Variants in SH3RF3 observed in about 807,000 individuals in gnomAD.
SH3RF3 encodes the protein E3 ubiquitin-protein ligase SH3RF3.
Under a neutral mutation model 66.3 loss-of-function variants are expected in SH3RF3, and 29 were observed. The observed-to-expected ratio is 0.44, with a 90% CI of 0.33 to 0.60. The LOEUF is 0.60. Among genes scored for constraint, SH3RF3 ranks in the 20% least tolerant of loss-of-function variants. The pLI, the probability that SH3RF3 is intolerant of heterozygous loss-of-function variation, is 0.04. For missense variants in SH3RF3, 1,194 were observed against 1,190.9 expected (o/e 1.00, Z -0.04); for synonymous variants, 583 against 532.0 (o/e 1.10, Z -1.32).
At chr2:109,227,781 C>G (rs981494690) in intron 1 of SH3RF3, among the ~76,000 whole-genome samples, 1 of 152,208 alleles carries the variant, frequency 6.6e-6, no homozygotes, top group Non-Finnish European at 1.5e-5. Context: ...TAGGTCACCC[C>G]CCAGCCAACT....
At chr2:109,143,908 G>A (rs1429565000) in intron 1 of SH3RF3, among the ~76,000 whole-genome samples, 2 of 152,170 alleles carry the variant, frequency 1.3e-5, no homozygotes, top group Non-Finnish European at 2.9e-5. Flanking sequence ...TGGCATGGAT[G>A]AGCCTAGAGG....
chr2:109,246,547 T>C (rs1265658604), intron 1 of SH3RF3, among the ~76,000 whole-genome samples: 3 of 152,218 alleles, frequency 2.0e-5, no homozygotes, highest in Non-Finnish European at 4.4e-5. Context: ...CCAAGGAATA[T>C]CATGCCTAAC....
At chr2:109,377,972 G>A (rs576508651) in intron 3 of SH3RF3, among the ~76,000 whole-genome samples, 27 of 152,352 alleles carry the variant, frequency 1.8e-4, no homozygotes, top group East Asian at 9.6e-4. Context: ...TGCACACTCC[G>A]CGTTCTGCAC....
rs977864817 is a variant in SH3RF3, at chr2:109,503,041, G to T, written c.*1370G>T. ...AGAGAGGAGGAGGTGCAGCTTTGAT[G>T]CTGGGACCTCCCTGAGTGGGGCTGA... On this transcript the variant is annotated 3_prime_UTR_variant, in exon 10 of 10. Transcript: ENST00000309415. 2 of 152,308 alleles carry T rather than the reference G, an allele frequency of 1.3e-5. No individual in the cohort carries two copies. The highest frequency in any genetic ancestry group is 1.5e-5 in the Non-Finnish European group (1 of 68,046). 9.4% of individuals were successfully genotyped at this position (152,308 alleles called of 1,614,324 possible). A position where few individuals can be genotyped will look rare whatever the true frequency, so the allele number is the denominator to read the frequency against.
At chr2:109,184,707 C>T (rs1340149704) in intron 1 of SH3RF3, among the ~76,000 whole-genome samples, 1 of 152,206 alleles carries the variant, frequency 6.6e-6, no homozygotes, top group Non-Finnish European at 1.5e-5. Flanking sequence ...GAAGCAGCCT[C>T]TCCAAGTGCC....
rs1679459123 is a variant in SH3RF3 at position 109,503,829 on chromosome 2, A to C, written c.*2158A>C. 1 of 152,214 alleles carries C rather than the reference A, an allele frequency of 6.6e-6. No homozygotes were observed. The highest frequency in any genetic ancestry group is 2.1e-4 in the South Asian group (1 of 4,826). The allele number at this position is 152,214 out of a possible 1,614,324, so 9.4% of individuals were successfully genotyped here. ...ATGGCCCACGTGGTGCTTCAGGTAG[A>C]AATGTGCTTCACCCTCCTGGTGGGG... On this transcript the variant is annotated 3_prime_UTR_variant, in exon 10 of 10. Transcript: ENST00000309415.
At chr2:109,501,324 T>C (rs1457521276) in intron 9 of SH3RF3, among the ~76,000 whole-genome samples, 179 bp from the exon 10 acceptor site, 1 of 152,040 alleles carries the variant, frequency 6.6e-6, no homozygotes, top group Non-Finnish European at 1.5e-5. Flanking sequence ...ATTTTTTTTA[T>C]TAAAAAATGA....
At chr2:109,255,418 T>C (rs1680199856) in intron 1 of SH3RF3, among the ~76,000 whole-genome samples, 1 of 152,152 alleles carries the variant, frequency 6.6e-6, no homozygotes, top group South Asian at 2.1e-4. Flanking sequence ...TTCTCAATGA[T>C]CAGTATGAAG....
intron 1 of SH3RF3, among the ~76,000 whole-genome samples, chr2:109,182,493 G>A (rs773342029): frequency 1.2e-4 from 19 of 152,220 alleles, no homozygotes; most frequent in African/African-American, 2.4e-4. Flanking sequence ...AAAGGTGTCT[G>A]CATAGTATAA....
intron 2 of SH3RF3, among the ~76,000 whole-genome samples, chr2:109,358,196 G>A (rs1682990262): frequency 6.6e-6 from 1 of 152,050 alleles, no homozygotes; most frequent in Non-Finnish European, 1.5e-5. Flanking sequence ...TGCATTTAAG[G>A]TCCTTCCATG....
At chr2:109,431,436 T>C (rs1329538959) in intron 5 of SH3RF3, among the ~76,000 whole-genome samples, 1 of 152,192 alleles carries the variant, frequency 6.6e-6, no homozygotes, top group African/African-American at 2.4e-5. Flanking sequence ...GCAGAGCACT[T>C]TTGTAAGTAT....
chr2:109,366,489 C>T (rs376390780), intron 2 of SH3RF3, among the ~76,000 whole-genome samples: 89 of 151,806 alleles, frequency 5.9e-4, no homozygotes, highest in African/African-American at 2.0e-3. Flanking sequence ...TGCATATATA[C>T]GTTTATGCAC....
intron 5 of SH3RF3, among the ~76,000 whole-genome samples, chr2:109,422,426 G>A (rs903394101): frequency 6.6e-6 from 1 of 152,176 alleles, no homozygotes; most frequent in Admixed American, 6.5e-5. Flanking sequence ...TCAGTGTGTC[G>A]ATGGCTGGAT....
intron 9 of SH3RF3, among the ~76,000 whole-genome samples, chr2:109,495,686 T>TTCG (rs1462885345): frequency 6.6e-6 from 1 of 151,946 alleles, no homozygotes; most frequent in Non-Finnish European, 1.5e-5. Context: ...GAGACGGGGT[T>TTCG]TCGCCATGTT....
intron 2 of SH3RF3, among the ~76,000 whole-genome samples, chr2:109,360,004 C>T (rs921554270): frequency 1.3e-5 from 2 of 151,502 alleles, no homozygotes; most frequent in Non-Finnish European, 2.9e-5. Context: ...CAGAATGTTT[C>T]CTCATCCACA....
intron 7 of SH3RF3, among the ~76,000 whole-genome samples, chr2:109,439,971 A>T (rs926261588): frequency 6.6e-6 from 1 of 152,194 alleles, no homozygotes; most frequent in African/African-American, 2.4e-5. Flanking sequence ...AGTAGGGCAT[A>T]TGGAAAGTTT....
chr2:109,152,759 A>T (rs2889863), intron 1 of SH3RF3, among the ~76,000 whole-genome samples: 1 of 151,826 alleles, frequency 6.6e-6, no homozygotes, highest in Non-Finnish European at 1.5e-5. Flanking sequence ...GGCGGGGGGG[A>T]CCCAGTGTCC....
intron 1 of SH3RF3, among the ~76,000 whole-genome samples, chr2:109,253,540 T>A (rs1217571607): frequency 6.6e-6 from 1 of 152,192 alleles, no homozygotes; most frequent in African/African-American, 2.4e-5. Flanking sequence ...ACCACTTGTG[T>A]CCATGATTTT....
chr2:109,184,414 T>C (rs567546726), intron 1 of SH3RF3, among the ~76,000 whole-genome samples: 6 of 152,340 alleles, frequency 3.9e-5, no homozygotes, highest in African/African-American at 1.4e-4. Context: ...AAAGCAGATA[T>C]GTCAGATGTG....
Sources: gnomAD v4.1 joint callset for allele counts (sites outside exome capture counted in the v4.1 genomes callset) on GRCh38, gnomAD v4.1.1 for gene constraint, MANE v1.5 for transcripts, NCBI Gene and HGNC (gene_info 2026-07-23, HGNC 2026-07-21) for gene names.